GBE1: variants seen among roughly 807,000 people sequenced by gnomAD.
The protein encoded by GBE1 is 1,4-alpha-glucan branching enzyme 1, also known as 1,4-alpha-glucan-branching enzyme.
GBE1 carries 70 observed loss-of-function variants against 88.8 expected under a neutral mutation model. The ratio of observed to expected loss-of-function variants is 0.79; its 90% CI spans 0.65 to 0.96. The LOEUF is 0.96. Ranked by LOEUF, GBE1 falls within the 40% of genes least tolerant of loss-of-function variation. The pLI, the probability that GBE1 is intolerant of heterozygous loss-of-function variation, is 0.00. For synonymous variants in GBE1, 284 were observed against 300.1 expected, an observed-to-expected ratio of 0.95 and a Z score of 0.56; for missense variants, 872 against 871.0, an observed-to-expected ratio of 1.00 and a Z score of -0.01.
In GBE1 at chr3:81,757,635, G is replaced by A. The variant is rs565194454; in HGVS notation, c.143+3740C>T. Among the ~76,000 whole-genome samples, 201 of 152,266 alleles carry A rather than the reference G, an allele frequency of 1.3e-3. 1 individual carries two copies. Among genetic ancestry groups the A allele is most frequent in the African/African-American group, 4.7e-3 (195 of 41,548 alleles). ...AGACGGGAGTAATTAGAAATCACTC[G>A]TTACCTTTTAGGTTTGAGCAGCTGG... On this transcript the variant is annotated intron_variant, in intron 1 of 15. Coordinates refer to ENST00000429644, the MANE Select transcript of GBE1 (RefSeq NM_000158.4).
intron 3 of GBE1, among the ~76,000 whole-genome samples, chr3:81,667,428 A>G (rs968419206): frequency 2.0e-5 from 3 of 151,998 alleles, no homozygotes; most frequent in African/African-American, 4.8e-5. Flanking sequence ...CTTTTTGAAT[A>G]CCCTTTATTT....
At chr3:81,636,539 T>C (rs1704594057) in intron 7 of GBE1, among the ~76,000 whole-genome samples, 1 of 151,962 alleles carries the variant, frequency 6.6e-6, no homozygotes, top group Admixed American at 6.6e-5. Flanking sequence ...TTTGGCTTTT[T>C]TTTTTTTTGA....
Position 81,737,146 on chromosome 3 carries a change from C to G in GBE1, c.143+24229G>C, listed in dbSNP as rs149725121. Among the ~76,000 whole-genome samples the G allele has an allele frequency of 4.0e-5, 6 of 150,480 alleles. No individual in the cohort carries two copies. In the Admixed American group the frequency reaches 4.0e-4, roughly 10 times the overall value. On this transcript the variant is annotated intron_variant, in intron 1 of 15. Transcript: ENST00000429644. ...AGATTTCTCCTGAGTAGAAATAATG[C>G]CATTAACTAAGAGAGAGATGGTAAT...
At position 81,682,636 on chromosome 3, in the gene GBE1, A is replaced by G. The variant is rs1705366817; in HGVS notation, c.314-11683T>C. Among the ~76,000 whole-genome samples, 3 of 152,164 alleles carry G rather than the reference A, an allele frequency of 2.0e-5. No homozygotes were observed. The South Asian group carries it at 6.2e-4, about 32-fold the overall frequency. ...TAGCAAAGATATGGAAAAATTTCAA[A>G]CCTTATATACTACTGGTGGGAAGAT... On this transcript the variant is annotated intron_variant, in intron 2 of 15. Coordinates refer to ENST00000429644, the MANE Select transcript of GBE1 (RefSeq NM_000158.4).
chr3:81,540,339 A>G (rs1703128558), intron 12 of GBE1, among the ~76,000 whole-genome samples: 1 of 151,978 alleles, frequency 6.6e-6, no homozygotes, highest in South Asian at 2.1e-4. Flanking sequence ...CAGTTTATCA[A>G]CTTCTCCATA....
intron 7 of GBE1, among the ~76,000 whole-genome samples, chr3:81,630,251 A>G (rs7618634): frequency 0.4 from 60,344 of 151,822 alleles, 12,636 homozygotes; most frequent in African/African-American, 0.53. Context: ...ACAAACCACT[A>G]CTCAATGAAA....
At chr3:81,518,821 C>A (rs896814415) in intron 14 of GBE1, among the ~76,000 whole-genome samples, 1 of 151,388 alleles carries the variant, frequency 6.6e-6, no homozygotes, top group Non-Finnish European at 1.5e-5. Context: ...AGCTCATCAT[C>A]AATAAATTGC....
chr3:81,713,792 A>G (rs1210102427), intron 1 of GBE1, among the ~76,000 whole-genome samples: 1 of 152,220 alleles, frequency 6.6e-6, no homozygotes, highest in Non-Finnish European at 1.5e-5. Flanking sequence ...TATTCAACTT[A>G]GCATACACTC....
intron 1 of GBE1, among the ~76,000 whole-genome samples, chr3:81,718,824 G>A (rs1705979042): frequency 6.6e-6 from 1 of 151,798 alleles, no homozygotes; most frequent in Non-Finnish European, 1.5e-5. Context: ...TTGTAGAGAC[G>A]AGATTTCTCC....
chr3:81,723,350 C>A (rs1440096868), intron 1 of GBE1, among the ~76,000 whole-genome samples: 2 of 151,618 alleles, frequency 1.3e-5, no homozygotes, highest in Admixed American at 1.3e-4. Context: ...ATCCGCCCGC[C>A]TCAGCCTCCC....
chr3:81,669,280 A>G (rs986181311), intron 3 of GBE1, among the ~76,000 whole-genome samples: 2 of 152,208 alleles, frequency 1.3e-5, no homozygotes, highest in Non-Finnish European at 2.9e-5. Flanking sequence ...AAAACTCAGT[A>G]AAGTTAATCT....
chr3:81,646,300 T>C, intron 6 of GBE1, 92 bp downstream of exon 6: 1 of 824,398 alleles, frequency 1.2e-6, no homozygotes, highest in Non-Finnish European at 2.0e-6. Flanking sequence ...CCTAAAAGGT[T>C]ACACGATGTT....
At chr3:81,717,303 G>A (rs1202110462) in intron 1 of GBE1, among the ~76,000 whole-genome samples, 1 of 152,158 alleles carries the variant, frequency 6.6e-6, no homozygotes, top group East Asian at 1.9e-4. Flanking sequence ...GCAAAGACCA[G>A]AGGTATGGGC....
intron 12 of GBE1, among the ~76,000 whole-genome samples, chr3:81,537,985 G>A (rs1458739366): frequency 6.6e-6 from 1 of 151,688 alleles, no homozygotes; most frequent in Non-Finnish European, 1.5e-5. Context: ...CTAACCGATT[G>A]GTTTTTATTG....
chr3:81,604,760 T>C (rs1355062509), intron 7 of GBE1, among the ~76,000 whole-genome samples: 4 of 151,690 alleles, frequency 2.6e-5, no homozygotes, highest in African/African-American at 7.2e-5. Context: ...AAAAGTGGTA[T>C]TTTCATGAGG....
intron 2 of GBE1, among the ~76,000 whole-genome samples, chr3:81,701,534 A>G (rs1705686235): frequency 6.6e-6 from 1 of 151,962 alleles, no homozygotes; most frequent in Admixed American, 6.6e-5. Context: ...AATACTGCCA[A>G]TTAACATTTC....
intron 12 of GBE1, among the ~76,000 whole-genome samples, chr3:81,554,887 C>T (rs1348568171): frequency 1.2e-4 from 18 of 152,130 alleles, no homozygotes; most frequent in Admixed American, 1.2e-3. Flanking sequence ...TAACTACCTG[C>T]TTATAACTTA....
At chr3:81,585,815 T>C (rs1186891099) in intron 10 of GBE1, among the ~76,000 whole-genome samples, 2 of 152,188 alleles carry the variant, frequency 1.3e-5, no homozygotes, top group East Asian at 3.9e-4. Context: ...TGAAGTTTCA[T>C]ATAATTGCAT....
intron 3 of GBE1, among the ~76,000 whole-genome samples, chr3:81,659,491 A>G (rs1225451494): frequency 6.8e-6 from 1 of 146,884 alleles, no homozygotes; most frequent in Non-Finnish European, 1.5e-5. Context: ...GCATGCCACC[A>G]CGCCCGGCTA....
Sources: gnomAD v4.1 joint callset for allele counts (sites outside exome capture counted in the v4.1 genomes callset) on GRCh38, gnomAD v4.1.1 for gene constraint, MANE v1.5 for transcripts, NCBI Gene and HGNC (gene_info 2026-07-23, HGNC 2026-07-21) for gene names.